Variants in CREB5 observed in about 807,000 individuals in gnomAD.
CREB5 encodes the protein cyclic AMP-responsive element-binding protein 5.
In CREB5, 19 loss-of-function variants were observed where a neutral mutation model predicts 57.1. That is an observed-to-expected ratio of 0.33 (90% CI 0.23 to 0.49). The LOEUF (loss-of-function observed/expected upper bound fraction) is 0.49. CREB5 is among the 20% of genes least tolerant of loss of function. The pLI is 0.99. For synonymous variants in CREB5, 238 were observed against 238.3 expected (o/e 1.00, Z 0.01); for missense variants, 579 against 671.6 (o/e 0.86, Z 1.52).
intron 5 of CREB5, among the ~76,000 whole-genome samples, chr7:28,679,652 G>A (rs1227122903): frequency 1.3e-5 from 2 of 152,160 alleles, no homozygotes; most frequent in East Asian, 1.9e-4. Flanking sequence ...TCAGAATCAT[G>A]ATGTTCCTAA....
At chr7:28,670,896 A>G (rs958709713) in intron 5 of CREB5, among the ~76,000 whole-genome samples, 2 of 152,146 alleles carry the variant, frequency 1.3e-5, no homozygotes, top group African/African-American at 2.4e-5. Context: ...GGGTCTCACT[A>G]TGTTGCCTAG....
chr7:28,579,553 C>T (rs1322794492), intron 5 of CREB5, among the ~76,000 whole-genome samples: 1 of 152,140 alleles, frequency 6.6e-6, no homozygotes, highest in African/African-American at 2.4e-5. Context: ...ATGGAATGTG[C>T]TTGGTTTGCT....
intron 1 of CREB5, chr7:28,435,677 T>C: frequency 1.0e-6 from 1 of 985,246 alleles, no homozygotes; most frequent in Non-Finnish European, 1.2e-6. Flanking sequence ...GGAGCTCATA[T>C]TTATTTTCAG....
chr7:28,757,724 T>C (rs1372018847), intron 7 of CREB5, among the ~76,000 whole-genome samples: 1 of 151,714 alleles, frequency 6.6e-6, no homozygotes, highest in East Asian at 1.9e-4. Context: ...GTGGTGGTGA[T>C]GGTACAGGTG....
intron 5 of CREB5, among the ~76,000 whole-genome samples, chr7:28,595,220 A>G (rs1796654175): frequency 6.6e-6 from 1 of 152,092 alleles, no homozygotes; most frequent in African/African-American, 2.4e-5. Context: ...ATGCCCTGCT[A>G]CTAGATAGTC....
intron 5 of CREB5, among the ~76,000 whole-genome samples, chr7:28,634,777 T>C (rs1477925483): frequency 1.3e-5 from 2 of 152,214 alleles, no homozygotes; most frequent in Admixed American, 6.5e-5. Flanking sequence ...TTCTGAACTC[T>C]TAGAAGAATT....
At chr7:28,392,582 G>T (rs1423847797) in intron 1 of CREB5, among the ~76,000 whole-genome samples, 6 of 152,166 alleles carry the variant, frequency 3.9e-5, no homozygotes, top group African/African-American at 9.6e-5. Flanking sequence ...TTGCCTTGTA[G>T]GTTTCACTTT....
intron 1 of CREB5, among the ~76,000 whole-genome samples, chr7:28,367,948 A>AG (rs1440013907): frequency 6.6e-6 from 1 of 152,164 alleles, no homozygotes; most frequent in East Asian, 1.9e-4. Context: ...GCTTGCCTGG[A>AG]GGACTTGATG....
chr7:28,785,234 C>T (rs1807250440), intron 7 of CREB5, among the ~76,000 whole-genome samples: 1 of 152,204 alleles, frequency 6.6e-6, no homozygotes, highest in South Asian at 2.1e-4. Flanking sequence ...GGTTGGGAAG[C>T]ATCTGGGTCG....
chr7:28,357,514 T>G (rs933654600), intron 1 of CREB5, among the ~76,000 whole-genome samples: 47 of 152,142 alleles, frequency 3.1e-4, no homozygotes, highest in South Asian at 6.2e-4. Context: ...TTAATCTGGA[T>G]TTTTTTAAAG....
rs186783686 is a variant in CREB5 at position 28,343,664 on chromosome 7, G to A, written c.-25+44223G>A. Among the ~76,000 whole-genome samples, 462 of 152,162 alleles carry A rather than the reference G, an allele frequency of 3.0e-3. 1 individual carries two copies. Among genetic ancestry groups the A allele is most frequent in the Admixed American group, 6.2e-3 (94 of 15,284 alleles). The stretch of plus-strand genomic sequence containing the variant: ...GTTGATTTCATATCTTGGCTATTGC[G>A]CAATAAACATGGGCATGCAGGTATT... On this transcript the variant is annotated intron_variant, in intron 1 of 9. Coordinates refer to the CREB5 transcript ENST00000396299.
chr7:28,464,496 C>CAT (rs1216305625), intron 1 of CREB5, among the ~76,000 whole-genome samples: 1 of 139,576 alleles, frequency 7.2e-6, no homozygotes, highest in Admixed American at 7.2e-5. Context: ...TGGAAAGTTG[C>CAT]GTGTGTGTGT....
chr7:28,728,999 A>G (rs1464700236), intron 7 of CREB5, among the ~76,000 whole-genome samples: 4 of 152,174 alleles, frequency 2.6e-5, no homozygotes, highest in Non-Finnish European at 5.9e-5. Context: ...CATCAGTACT[A>G]AATGCTATTT....
intron 1 of CREB5, among the ~76,000 whole-genome samples, chr7:28,348,878 G>A (rs1464515407): frequency 2.0e-5 from 3 of 152,184 alleles, no homozygotes; most frequent in African/African-American, 7.2e-5. Context: ...CCAGGCAGCT[G>A]CATAAATTGC....
At chr7:28,586,064 A>G (rs1262057074) in intron 5 of CREB5, among the ~76,000 whole-genome samples, 1 of 152,118 alleles carries the variant, frequency 6.6e-6, no homozygotes, top group African/African-American at 2.4e-5. Context: ...AGGGCTCATC[A>G]AATCACTATG....
At chr7:28,443,344 C>T (rs1002348027) in intron 1 of CREB5, among the ~76,000 whole-genome samples, 2 of 152,172 alleles carry the variant, frequency 1.3e-5, no homozygotes, top group East Asian at 3.8e-4. Context: ...GGGGAAGCAG[C>T]CTTGCCTGAC....
At chr7:28,659,104 A>G (rs34304843) in intron 5 of CREB5, among the ~76,000 whole-genome samples, 4,821 of 151,640 alleles carry the variant, frequency 0.032, 119 homozygotes, top group Middle Eastern at 0.071. Flanking sequence ...TTCCTTTCAC[A>G]AATGTGGAAG....
At chr7:28,762,774 T>C (rs1289861800) in intron 7 of CREB5, among the ~76,000 whole-genome samples, 1 of 151,976 alleles carries the variant, frequency 6.6e-6, no homozygotes, top group Non-Finnish European at 1.5e-5. Flanking sequence ...ATGACCTCGA[T>C]ACAATATGAA....
In CREB5 at chr7:28,821,197, TAGCTTTTATAAGAGTGC is replaced by T. The variant is rs905881676; in HGVS notation, c.*1921_*1937del. ...AAAGAACAGTATTTTACAAAAGGTG[TAGCTTTTATAAGAGTGC>T]AGAAAAGGGAAGGATGTGTTTTTTT... On this transcript the variant is annotated 3_prime_UTR_variant, in exon 11 of 11. Coordinates refer to ENST00000357727, the MANE Select transcript of CREB5 (RefSeq NM_182898.4). 2.0e-5 allele frequency: 3 copies of T among 151,896 alleles called. No homozygotes were observed. Among genetic ancestry groups the T allele is most frequent in the Non-Finnish European group, 2.9e-5 (2 of 67,974 alleles). 9.4% of individuals were successfully genotyped at this position (151,896 alleles called of 1,614,324 possible).
Sources: allele counts gnomAD v4.1 joint callset (sites outside exome capture counted in the v4.1 genomes callset), GRCh38; gene constraint gnomAD v4.1.1; transcripts MANE v1.5; gene names NCBI Gene and HGNC (gene_info 2026-07-23, HGNC 2026-07-21).